Variants in OXR1 observed in about 807,000 individuals in gnomAD.
OXR1 encodes oxidation resistance 1.
OXR1 carries 41 observed loss-of-function variants against 104.6 expected under a neutral mutation model. That is an observed-to-expected ratio of 0.39 (90% CI 0.31 to 0.51). The LOEUF (loss-of-function observed/expected upper bound fraction) is 0.51, where lower values mean the gene tolerates loss of function less well. OXR1 is among the 20% of genes least tolerant of loss of function. The pLI is 0.77. For synonymous variants in OXR1, 348 were observed against 348.4 expected, an observed-to-expected ratio of 1.00 and a Z score of 0.01; for missense variants, 955 against 1,031.9, an observed-to-expected ratio of 0.93 and a Z score of 1.02.
At chr8:106,687,305 AG>A (rs1180634232) in intron 6 of OXR1, among the ~76,000 whole-genome samples, 1 of 152,140 alleles carries the variant, frequency 6.6e-6, no homozygotes, top group Non-Finnish European at 1.5e-5. Flanking sequence ...CTCTAAATTT[AG>A]GTATCTGTTT....
chr8:106,455,781 A>G (rs1045514517), intron 2 of OXR1, among the ~76,000 whole-genome samples: 3 of 152,178 alleles, frequency 2.0e-5, no homozygotes, highest in Non-Finnish European at 2.9e-5. Context: ...AGGAAGTTTG[A>G]AAGTTTGTAT....
At chr8:106,466,604 C>T (rs974516388) in intron 2 of OXR1, among the ~76,000 whole-genome samples, 1 of 151,376 alleles carries the variant, frequency 6.6e-6, no homozygotes, top group Non-Finnish European at 1.5e-5. Context: ...TTGACTTCCC[C>T]CCCAGAAGAA....
chr8:106,656,011 C>T (rs188454268), intron 3 of OXR1: 3 of 151,916 alleles, frequency 2.0e-5, no homozygotes, highest in Admixed American at 6.6e-5. Context: ...TATAACAAAC[C>T]GGTAAATTTT....
intron 1 of OXR1, among the ~76,000 whole-genome samples, chr8:106,332,383 T>C (rs1490732566): frequency 6.6e-6 from 1 of 152,210 alleles, no homozygotes; most frequent in Non-Finnish European, 1.5e-5. Context: ...TTATTACAAA[T>C]TATTAATGCT....
At chr8:106,406,197 C>A (rs1818229824) in intron 2 of OXR1, among the ~76,000 whole-genome samples, 1 of 152,108 alleles carries the variant, frequency 6.6e-6, no homozygotes, top group Non-Finnish European at 1.5e-5. Context: ...ACAGTCTGTA[C>A]TCATTGATCC....
chr8:106,295,604 T>C (rs1252887521), intron 1 of OXR1, among the ~76,000 whole-genome samples: 1 of 152,150 alleles, frequency 6.6e-6, no homozygotes, highest in African/African-American at 2.4e-5. Context: ...GAAGTGGTAT[T>C]TGGCAAAACC....
chr8:106,638,100 A>C (rs1013168236), intron 3 of OXR1, among the ~76,000 whole-genome samples: 15 of 152,024 alleles, frequency 9.9e-5, no homozygotes, highest in Admixed American at 5.9e-4. Flanking sequence ...TGTATTCCTA[A>C]GGGCAGGATA....
chr8:106,465,517 A>G (rs1821126164), intron 2 of OXR1, among the ~76,000 whole-genome samples: 1 of 151,992 alleles, frequency 6.6e-6, no homozygotes, highest in Non-Finnish European at 1.5e-5. Context: ...TTAAGAGTAG[A>G]CTAAGGCAAA....
intron 2 of OXR1, among the ~76,000 whole-genome samples, chr8:106,456,855 G>GTGCA (rs1820623143): frequency 6.6e-6 from 1 of 152,182 alleles, no homozygotes; most frequent in African/African-American, 2.4e-5. Flanking sequence ...AAACATGTGT[G>GTGCA]TGCATGTGTT....
intron 1 of OXR1, among the ~76,000 whole-genome samples, chr8:106,318,182 G>GATT (rs1271757285): frequency 6.6e-6 from 1 of 152,096 alleles, no homozygotes; most frequent in African/African-American, 2.4e-5. Flanking sequence ...CAATGGCTTT[G>GATT]TTATTTGAGT....
chr8:106,356,511 T>C (rs1184242346), intron 1 of OXR1, among the ~76,000 whole-genome samples: 1 of 152,138 alleles, frequency 6.6e-6, no homozygotes, highest in Admixed American at 6.6e-5. Flanking sequence ...CATATGACTC[T>C]ATCTAAGATT....
intron 3 of OXR1, among the ~76,000 whole-genome samples, chr8:106,588,098 C>T (rs561129158): frequency 2.0e-5 from 3 of 152,006 alleles, no homozygotes; most frequent in Non-Finnish European, 2.9e-5. Flanking sequence ...ACTACAGGCA[C>T]CCGCCACCAC....
At chr8:106,346,857 G>A (rs145263376) in intron 1 of OXR1, among the ~76,000 whole-genome samples, 11,862 of 152,190 alleles carry the variant, frequency 0.078, 497 homozygotes, top group African/African-American at 0.096. Context: ...GGCTAACACG[G>A]TGAAACCCCG....
chr8:106,725,296 A>C (rs1186934563), intron 11 of OXR1, among the ~76,000 whole-genome samples: 1 of 151,962 alleles, frequency 6.6e-6, no homozygotes, highest in African/African-American at 2.4e-5. Context: ...GCGTGTTAGA[A>C]AGGTAGTGTG....
chr8:106,385,366 T>A (rs895284461), intron 2 of OXR1, among the ~76,000 whole-genome samples: 1 of 152,236 alleles, frequency 6.6e-6, no homozygotes, highest in Non-Finnish European at 1.5e-5. Context: ...ATAATATGTT[T>A]CATTTGTTAC....
intron 3 of OXR1, among the ~76,000 whole-genome samples, chr8:106,589,618 T>C (rs1432971379): frequency 1.3e-5 from 2 of 152,150 alleles, no homozygotes; most frequent in Non-Finnish European, 2.9e-5. Flanking sequence ...GCTGGAATTT[T>C]TCCTTGGAAC....
chr8:106,311,716 C>G (rs1250509727), intron 1 of OXR1, among the ~76,000 whole-genome samples: 1 of 152,132 alleles, frequency 6.6e-6, no homozygotes, highest in Non-Finnish European at 1.5e-5. Flanking sequence ...TATACCACTG[C>G]CTTCAAAAAT....
Position 106,370,761 on chromosome 8 carries a change from T to C in OXR1, c.23+11125T>C, listed in dbSNP as rs530903058. Among the ~76,000 whole-genome samples, 8 of 152,328 alleles carry C rather than the reference T, an allele frequency of 5.3e-5. No homozygotes were observed. In the South Asian group the frequency reaches 1.5e-3, roughly 28 times the overall value. The stretch of plus-strand genomic sequence containing the variant: ...AGGGATGAACCCAACTTGATCATTG[T>C]GGATAAGTTTTTCCATGTGCTGCTG... On this transcript the variant is annotated intron_variant, in intron 2 of 16. Coordinates refer to ENST00000517566, the MANE Select transcript of OXR1 (RefSeq NM_001198533.2).
chr8:106,685,502 A>G (rs1235244405), intron 6 of OXR1, among the ~76,000 whole-genome samples: 4 of 152,182 alleles, frequency 2.6e-5, no homozygotes, highest in Non-Finnish European at 1.5e-5. Context: ...TAAGGGAGCA[A>G]CAAGGCCAGG....
Sources: gnomAD v4.1 joint callset for allele counts (sites outside exome capture counted in the v4.1 genomes callset) on GRCh38, gnomAD v4.1.1 for gene constraint, MANE v1.5 for transcripts, NCBI Gene and HGNC (gene_info 2026-07-23, HGNC 2026-07-21) for gene names.